Variants in KCND2 observed in about 807,000 individuals in gnomAD.
KCND2 encodes the protein A-type voltage-gated potassium channel KCND2.
In KCND2, 16 loss-of-function variants were observed where a neutral mutation model predicts 54.4. That is an observed-to-expected ratio of 0.29 (90% CI 0.20 to 0.45). The LOEUF (loss-of-function observed/expected upper bound fraction) is 0.45, where lower values mean the gene tolerates loss of function less well. Ranked by LOEUF, KCND2 falls within the 20% of genes least tolerant of loss-of-function variation. The pLI is 1.00. For synonymous variants in KCND2, 317 were observed against 310.7 expected, an observed-to-expected ratio of 1.02 and a Z score of -0.21; for missense variants, 486 against 824.2, an observed-to-expected ratio of 0.59 and a Z score of 5.02.
intron 1 of KCND2, among the ~76,000 whole-genome samples, chr7:120,499,626 C>A (rs1035080444): frequency 1.3e-5 from 2 of 151,970 alleles, no homozygotes; most frequent in African/African-American, 4.8e-5. Context: ...CAGTCTACTC[C>A]AATTCCCTTT....
chr7:120,335,765 G>A (rs989679426), intron 1 of KCND2, among the ~76,000 whole-genome samples: 10 of 152,246 alleles, frequency 6.6e-5, no homozygotes, highest in African/African-American at 9.6e-5. Context: ...GATTACAGGC[G>A]TGAGCCACCG....
In KCND2 at chr7:120,468,638, G is replaced by A. The variant is rs557910835; in HGVS notation, c.1115+192891G>A. Among the ~76,000 whole-genome samples, 61 of 152,082 alleles carry A rather than the reference G, an allele frequency of 4.0e-4. 1 individual carries two copies. The South Asian group carries it at 0.012, about 29-fold the overall frequency. ...GTATTCTTTAATGGATATTTAAAAG[G>A]CCATAGCAACAACAAGCCTATCTAT... On this transcript the variant is annotated intron_variant, in intron 1 of 5. Coordinates refer to ENST00000331113, the MANE Select transcript of KCND2 (RefSeq NM_012281.3).
chr7:120,373,342 T>G (rs1258488861), intron 1 of KCND2, among the ~76,000 whole-genome samples: 3 of 151,828 alleles, frequency 2.0e-5, no homozygotes, highest in Admixed American at 2.0e-4. Flanking sequence ...TATTTCTTAC[T>G]GGTATAAACT....
At chr7:120,455,176 A>G (rs928919065) in intron 1 of KCND2, among the ~76,000 whole-genome samples, 2 of 151,246 alleles carry the variant, frequency 1.3e-5, no homozygotes, top group Non-Finnish European at 3.0e-5. Context: ...CAGAATTTAG[A>G]AAAAAAAAAT....
At chr7:120,583,672 A>G (rs898488877) in intron 1 of KCND2, among the ~76,000 whole-genome samples, 1 of 151,674 alleles carries the variant, frequency 6.6e-6, no homozygotes, top group African/African-American at 2.4e-5. Flanking sequence ...ATATTAAATT[A>G]TGGTCACCTT....
chr7:120,288,611 T>C (rs923564180), intron 1 of KCND2, among the ~76,000 whole-genome samples: 1 of 152,126 alleles, frequency 6.6e-6, no homozygotes, highest in African/African-American at 2.4e-5. Flanking sequence ...AAATATACAA[T>C]AATCTTTTTC....
At chr7:120,509,081 A>G (rs1803073860) in intron 1 of KCND2, among the ~76,000 whole-genome samples, 1 of 152,004 alleles carries the variant, frequency 6.6e-6, no homozygotes, top group Non-Finnish European at 1.5e-5. Context: ...TCAAAGCAGC[A>G]TATAGACTAT....
At chr7:120,360,472 T>C (rs1330994748) in intron 1 of KCND2, among the ~76,000 whole-genome samples, 1 of 152,096 alleles carries the variant, frequency 6.6e-6, no homozygotes, top group East Asian at 1.9e-4. Context: ...CTGGAGGCTT[T>C]GGAAAGACTA....
intron 1 of KCND2, among the ~76,000 whole-genome samples, chr7:120,619,753 AT>A (rs1169089447): frequency 7.2e-5 from 11 of 152,252 alleles, no homozygotes; most frequent in Non-Finnish European, 1.3e-4. Flanking sequence ...CAACCAGAAT[AT>A]AGTCACATGA....
chr7:120,684,955 G>C (rs1792182774), intron 1 of KCND2, among the ~76,000 whole-genome samples: 1 of 151,978 alleles, frequency 6.6e-6, no homozygotes, highest in African/African-American at 2.4e-5. Context: ...GGCTCCCACT[G>C]GTTCTACATT....
intron 1 of KCND2, among the ~76,000 whole-genome samples, chr7:120,374,210 T>TA (rs1800804498): frequency 1.3e-5 from 2 of 151,822 alleles, no homozygotes; most frequent in African/African-American, 4.8e-5. Flanking sequence ...TTTTGGTACT[T>TA]ATTCACATGA....
intron 1 of KCND2, among the ~76,000 whole-genome samples, chr7:120,388,987 C>A (rs12706283): frequency 0.93 from 140,231 of 151,384 alleles, 65,301 homozygotes; most frequent in Admixed American, 0.97. Context: ...TTTGATGCAT[C>A]TACATTTTGT....
chr7:120,276,240 A>G (rs1304476482), intron 1 of KCND2, among the ~76,000 whole-genome samples: 2 of 152,218 alleles, frequency 1.3e-5, no homozygotes. Context: ...TTTACATCGT[A>G]ATACATAGAT....
intron 1 of KCND2, among the ~76,000 whole-genome samples, chr7:120,665,953 A>G (rs1791921096): frequency 6.6e-6 from 1 of 152,158 alleles, no homozygotes; most frequent in African/African-American, 2.4e-5. Context: ...TGTATTAAAT[A>G]TTAAGTTTTT....
At chr7:120,612,517 A>G (rs1320125698) in intron 1 of KCND2, among the ~76,000 whole-genome samples, 1 of 152,242 alleles carries the variant, frequency 6.6e-6, no homozygotes, top group Non-Finnish European at 1.5e-5. Flanking sequence ...TTCACATGAG[A>G]CATGGATAAT....
chr7:120,309,468 T>TAC (rs369683197), intron 1 of KCND2, among the ~76,000 whole-genome samples: 11,708 of 123,106 alleles, frequency 0.095, 624 homozygotes, highest in Admixed American at 0.11. Flanking sequence ...TATATATATA[T>TAC]ATATATACAC....
At chr7:120,585,201 C>A (rs988198762) in intron 1 of KCND2, among the ~76,000 whole-genome samples, 1 of 151,054 alleles carries the variant, frequency 6.6e-6, no homozygotes, top group South Asian at 2.1e-4. Context: ...TAAAGAAAAT[C>A]TCCTGGGAAA....
chr7:120,594,892 T>C (rs999599402), intron 1 of KCND2, among the ~76,000 whole-genome samples: 1 of 151,746 alleles, frequency 6.6e-6, no homozygotes, highest in Non-Finnish European at 1.5e-5. Flanking sequence ...TGGTAGCGTG[T>C]GCCTCTAATC....
chr7:120,659,675 A>T (rs1250701932), intron 1 of KCND2, among the ~76,000 whole-genome samples: 1 of 152,188 alleles, frequency 6.6e-6, no homozygotes, highest in Admixed American at 6.5e-5. Flanking sequence ...ATTTATATTT[A>T]AACATAAAAC....
Sources: allele counts gnomAD v4.1 joint callset (sites outside exome capture counted in the v4.1 genomes callset), GRCh38; gene constraint gnomAD v4.1.1; transcripts MANE v1.5; gene names NCBI Gene and HGNC (gene_info 2026-07-23, HGNC 2026-07-21).